The following WDR70 variants were observed in gnomAD, a reference collection of about 807,000 sequenced individuals.
WDR70 encodes the protein WD repeat domain 70.
Under a neutral mutation model 88.6 loss-of-function variants are expected in WDR70, and 53 were observed. The ratio of observed to expected loss-of-function variants is 0.60; its 90% CI spans 0.48 to 0.75. The LOEUF (loss-of-function observed/expected upper bound fraction) is 0.75, where lower values mean the gene tolerates loss of function less well. Among genes scored for constraint, WDR70 ranks in the 30% least tolerant of loss-of-function variants. The pLI is 0.00. For missense variants in WDR70, 610 were observed against 823.2 expected (o/e 0.74, Z 3.17); for synonymous variants, 280 against 270.0 (o/e 1.04, Z -0.36).
At chr5:37,430,340 T>A (rs1750263881) in intron 5 of WDR70, among the ~76,000 whole-genome samples, 1 of 152,178 alleles carries the variant, frequency 6.6e-6, no homozygotes, top group Admixed American at 6.5e-5. Context: ...ACTGTTGTAG[T>A]TAAAGATTTG....
intron 8 of WDR70, among the ~76,000 whole-genome samples, chr5:37,486,055 G>A (rs1739858480): frequency 6.6e-6 from 1 of 151,828 alleles, no homozygotes; most frequent in Admixed American, 6.6e-5. Flanking sequence ...ACAAAAGTAG[G>A]TGTTGGTAAG....
intron 10 of WDR70, among the ~76,000 whole-genome samples, chr5:37,626,568 T>C (rs1288808186): frequency 1.3e-5 from 2 of 152,186 alleles, no homozygotes; most frequent in Admixed American, 6.5e-5. Flanking sequence ...TGGCTGTAGT[T>C]TTCCGCTTGT....
At chr5:37,399,128 A>G (rs1455926010) in intron 5 of WDR70, among the ~76,000 whole-genome samples, 2 of 152,204 alleles carry the variant, frequency 1.3e-5, no homozygotes, top group Non-Finnish European at 2.9e-5. Context: ...AATACAAAAA[A>G]TTAGCCGGGC....
chr5:37,566,849 A>G (rs567204448), intron 9 of WDR70, among the ~76,000 whole-genome samples: 1 of 152,328 alleles, frequency 6.6e-6, no homozygotes, highest in East Asian at 1.9e-4. Flanking sequence ...GTTAGTGAGG[A>G]GATATGCTGT....
chr5:37,384,107 CCTGTAA>C (rs1748522861), intron 3 of WDR70, among the ~76,000 whole-genome samples: 1 of 151,150 alleles, frequency 6.6e-6, no homozygotes, highest in African/African-American at 2.4e-5. Flanking sequence ...AACCAAGATA[CCTGTAA>C]GAGATAGGAA....
chr5:37,691,874 A>G (rs1267118527), intron 10 of WDR70, among the ~76,000 whole-genome samples: 2 of 152,204 alleles, frequency 1.3e-5, no homozygotes, highest in African/African-American at 4.8e-5. Context: ...ACTGAAGGAA[A>G]TAGAGACACA....
At chr5:37,741,089 A>T (rs1315196029) in intron 17 of WDR70, among the ~76,000 whole-genome samples, 2 of 152,148 alleles carry the variant, frequency 1.3e-5, no homozygotes, top group Admixed American at 6.5e-5. Flanking sequence ...TTAGAAAACA[A>T]AGACTGGCCC....
At chr5:37,457,053 TG>T (rs71604871) in intron 7 of WDR70, among the ~76,000 whole-genome samples, 1 of 152,048 alleles carries the variant, frequency 6.6e-6, no homozygotes, top group Non-Finnish European at 1.5e-5. Context: ...AAGGCTAAGG[TG>T]GGGGTGTAAA....
intron 9 of WDR70, among the ~76,000 whole-genome samples, chr5:37,551,056 G>A (rs962464783): frequency 2.0e-5 from 3 of 152,162 alleles, no homozygotes; most frequent in African/African-American, 7.2e-5. Context: ...TGTAATCCCA[G>A]CACTTTGGGA....
chr5:37,712,182 G>A (rs914997626), intron 13 of WDR70, among the ~76,000 whole-genome samples: 11 of 151,808 alleles, frequency 7.2e-5, no homozygotes, highest in Admixed American at 3.3e-4. Flanking sequence ...TAGTAGAGAC[G>A]GAGTTTCACC....
chr5:37,460,682 G>A (rs1297265979), intron 7 of WDR70, among the ~76,000 whole-genome samples: 4 of 20,338 alleles, frequency 2.0e-4, no homozygotes, highest in Admixed American at 1.6e-3. Context: ...CTAAAACTTA[G>A]AGTATAATAA....
chr5:37,564,957 A>G (rs1012436663), intron 9 of WDR70, among the ~76,000 whole-genome samples: 1 of 152,200 alleles, frequency 6.6e-6, no homozygotes, highest in African/African-American at 2.4e-5. Context: ...AGTACAGCTC[A>G]TATTTTTACG....
chr5:37,402,943 C>CCTT (rs1561838923), intron 5 of WDR70, among the ~76,000 whole-genome samples: 7 of 41,712 alleles, frequency 1.7e-4, no homozygotes, highest in Non-Finnish European at 2.3e-4. Flanking sequence ...TCCCTCCCTC[C>CCTT]GTTTTTTTTT....
At chr5:37,442,709 A>G (rs902110222) in intron 6 of WDR70, among the ~76,000 whole-genome samples, 1 of 152,252 alleles carries the variant, frequency 6.6e-6, no homozygotes, top group African/African-American at 2.4e-5. Flanking sequence ...TAATTGTTTA[A>G]GGTGAATATA....
At chr5:37,394,160 C>T (rs1748935056) in intron 4 of WDR70, among the ~76,000 whole-genome samples, 1 of 151,734 alleles carries the variant, frequency 6.6e-6, no homozygotes, top group African/African-American at 2.4e-5. Flanking sequence ...CAAAAATTAG[C>T]TGGGCGTGGT....
At chr5:37,642,149 G>A (rs1484681580) in intron 10 of WDR70, among the ~76,000 whole-genome samples, 1 of 152,082 alleles carries the variant, frequency 6.6e-6, no homozygotes, top group Non-Finnish European at 1.5e-5. Flanking sequence ...GCTAACTGGT[G>A]ATGATTCATT....
intron 10 of WDR70, among the ~76,000 whole-genome samples, chr5:37,631,523 A>G (rs186962844): frequency 1.2e-4 from 18 of 152,300 alleles, no homozygotes; most frequent in Admixed American, 9.8e-4. Context: ...ATGCTTTTCA[A>G]TGTACTAGCT....
chr5:37,527,681 C>CA (rs1365225687), intron 9 of WDR70, among the ~76,000 whole-genome samples: 1 of 152,184 alleles, frequency 6.6e-6, no homozygotes, highest in African/African-American at 2.4e-5. Context: ...AAACTACCAT[C>CA]AGAGTGAACA....
chr5:37,735,164 G>T (rs1192438541), intron 17 of WDR70, among the ~76,000 whole-genome samples: 1 of 151,926 alleles, frequency 6.6e-6, no homozygotes. Flanking sequence ...ACTCTTCTGA[G>T]GCTGCTTGGT....
Sources: gnomAD v4.1 joint callset for allele counts (sites outside exome capture counted in the v4.1 genomes callset) on GRCh38, gnomAD v4.1.1 for gene constraint, MANE v1.5 for transcripts, NCBI Gene and HGNC (gene_info 2026-07-23, HGNC 2026-07-21) for gene names.